The following OR52E4 variants were observed in gnomAD, a reference collection of about 807,000 sequenced individuals.
OR52E4 encodes olfactory receptor 52E4.
For missense variants in OR52E4, 444 were observed against 383.8 expected (o/e 1.16, Z -1.31); for synonymous variants, 169 against 137.4 (o/e 1.23, Z -1.61).
chr11:5,886,366 T>C lies in OR52E4; in HGVS notation c.*1135T>C, dbSNP rs905137086. On this transcript the variant is annotated 3_prime_UTR_variant, in exon 2 of 2. Coordinates refer to ENST00000641726, the MANE Select transcript of OR52E4 (RefSeq NM_001005165.2). The stretch of plus-strand genomic sequence containing the variant: ...GTGGGTATTACGGAGACATGTTTTC[T>C]CACTTGAAGCAAAGTCATTTTAGAT... The C allele has an allele frequency of 1.3e-5, 2 of 152,040 alleles. No homozygotes were observed. The highest frequency in any genetic ancestry group is 4.8e-5 in the African/African-American group (2 of 41,440). 9.4% of individuals were successfully genotyped at this position (152,040 alleles called of 1,614,324 possible).
At chr11:5,883,796 C>G (rs2134275947) in intron 1 of OR52E4, among the ~76,000 whole-genome samples, 1 of 151,916 alleles carries the variant, frequency 6.6e-6, no homozygotes, top group Admixed American at 6.6e-5. Context: ...TCACTATGTA[C>G]TTATGAGAGA....
At chr11:5,883,154 A>G (rs1483756661) in intron 1 of OR52E4, among the ~76,000 whole-genome samples, 2 of 152,090 alleles carry the variant, frequency 1.3e-5, no homozygotes, top group Non-Finnish European at 2.9e-5. Context: ...CTGATGTTAT[A>G]GATTGTAAGG....
rs1315307621 is a variant in OR52E4, at chr11:5,885,014, C to T, written c.722C>T (p.Thr241Ile). 6.2e-7 allele frequency: 1 copy of T among 1,613,380 alleles called. No homozygotes were observed. Among genetic ancestry groups the T allele is most frequent in the African/African-American group, 1.3e-5 (1 of 74,944 alleles). The change falls in exon 2 of 2, where the codon ACC becomes ATC. Residue 241 changes from threonine to isoleucine, a missense_variant. Physicochemically the swap from Thr to Ile is moderately conservative, Grantham distance 89. Transcript: ENST00000641726. The part of the protein sequence containing the change: ...SQDVRLKAFN[T>I]CGSHVCVMLC... ...GATGTCCGACTAAAGGCCTTCAATACCTGTGGTTCTCATGTCTGTGTTATG... is the reference window on the plus strand; with the variant it reads ...GATGTCCGACTAAAGGCCTTCAATATCTGTGGTTCTCATGTCTGTGTTATG...
At chr11:5,880,886 G>A (rs1364968500) in intron 1 of OR52E4, among the ~76,000 whole-genome samples, 172 bp downstream of exon 1, 1 of 39,880 alleles carries the variant, frequency 2.5e-5, no homozygotes, top group Non-Finnish European at 5.1e-5. Context: ...TGAGGGCAGT[G>A]GTGTACCAAT....
chr11:5,881,919 A>T (rs565309164), intron 1 of OR52E4, among the ~76,000 whole-genome samples: 22 of 152,092 alleles, frequency 1.4e-4, no homozygotes, highest in Non-Finnish European at 2.8e-4. Context: ...GAAAAGTTTT[A>T]AGGTCCACAG....
At position 5,886,758 on chromosome 11, in the gene OR52E4, T is replaced by G. The variant is rs1283285627; in HGVS notation, c.*1527T>G. 6.6e-6 allele frequency: 1 copy of G among 151,982 alleles called. No homozygotes were observed. Among genetic ancestry groups the G allele is most frequent in the Admixed American group, 6.6e-5 (1 of 15,212 alleles). The allele number at this position is 151,982 out of a possible 1,614,324, so 9.4% of individuals were successfully genotyped here. A position where few individuals can be genotyped will look rare whatever the true frequency, so the allele number is the denominator to read the frequency against. Reference sequence around the variant, plus strand: ...TCTATAATTTAGAACCACTGTGTAGTTTGTATGACAATATACAAAATACTC... The same window carrying G: ...TCTATAATTTAGAACCACTGTGTAGGTTGTATGACAATATACAAAATACTC... On this transcript the variant is annotated 3_prime_UTR_variant, in exon 2 of 2. Transcript: ENST00000641726.
chr11:5,882,698 G>A, intron 1 of OR52E4, among the ~76,000 whole-genome samples: 1 of 109,146 alleles, frequency 9.2e-6, no homozygotes, highest in Middle Eastern at 3.8e-3. Flanking sequence ...AACCTTCTCC[G>A]TCTCTCTCTC....
In OR52E4 at chr11:5,884,522, C is replaced by T. The variant is rs377696088; in HGVS notation, c.230C>T (p.Thr77Ile). The T allele has an allele frequency of 9.3e-6, 15 of 1,613,530 alleles. 1 individual carries two copies. Among genetic ancestry groups the T allele is most frequent in the South Asian group, 2.2e-5 (2 of 91,078 alleles). Residue 77 changes from threonine (T) to isoleucine (I), a missense_variant, in exon 2 of 2, where the codon ACA (threonine) becomes ATA (isoleucine). By Grantham distance (89) the Thr-to-Ile change is moderately conservative. Transcript: ENST00000641726. The stretch of plus-strand genomic sequence containing the variant: ...TCTATGATTGATCTGGGTCTGTCCA[C>T]ATCCACTATCCCCAAAATGCTAGGA... The part of the protein sequence containing the change: ...MLSMIDLGLS[T>I]STIPKMLGIF...
intron 1 of OR52E4, among the ~76,000 whole-genome samples, chr11:5,884,014 A>T (rs1345521921): frequency 6.6e-6 from 1 of 152,038 alleles, no homozygotes; most frequent in Non-Finnish European, 1.5e-5. Flanking sequence ...GCATTATGAA[A>T]TTTTTCCCAT....
rs1847044882 is a variant in OR52E4 at position 5,886,404 on chromosome 11, A to T, written c.*1173A>T. The stretch of plus-strand genomic sequence containing the variant: ...AGTCATTTTAGATGTGACTACTTGT[A>T]TGTGTCGCCTGTCTAATTCTAATTC... On this transcript the variant is annotated 3_prime_UTR_variant, in exon 2 of 2. Coordinates refer to ENST00000641726, the MANE Select transcript of OR52E4 (RefSeq NM_001005165.2). 1 of 152,008 alleles carries T rather than the reference A, an allele frequency of 6.6e-6. No homozygotes were observed. Among genetic ancestry groups the T allele is most frequent in the Non-Finnish European group, 1.5e-5 (1 of 67,998 alleles). 9.4% of individuals were successfully genotyped at this position (152,008 alleles called of 1,614,324 possible).
At position 5,884,992 on chromosome 11, in the gene OR52E4, G is replaced by C. The variant is rs749794207; in HGVS notation, c.700G>C (p.Val234Leu). ...RAVFRLPSQD[V>L]RLKAFNTCGS... ...TGTTTTTCGCCTTCCCTCTCAAGAT[G>C]TCCGACTAAAGGCCTTCAATACCTG... The change falls in exon 2 of 2, where the codon GTC becomes CTC. Residue 234 changes from valine to leucine, a missense_variant. Coordinates refer to ENST00000641726, the MANE Select transcript of OR52E4 (RefSeq NM_001005165.2). 1 of 1,613,068 alleles carries C rather than the reference G, an allele frequency of 6.2e-7. No individual in the cohort carries two copies. The highest frequency in any genetic ancestry group is 8.5e-7 in the Non-Finnish European group (1 of 1,179,330).
intron 1 of OR52E4, among the ~76,000 whole-genome samples, chr11:5,881,421 T>C (rs555482868): frequency 6.6e-6 from 1 of 152,236 alleles, no homozygotes; most frequent in South Asian, 2.1e-4. Flanking sequence ...CTCACCAAGA[T>C]TGGGAAAGCT....
chr11:5,885,497 C>A lies in OR52E4; in HGVS notation c.*266C>A. 3.0e-6 allele frequency: 1 copy of A among 338,780 alleles called. No individual in the cohort carries two copies. Among genetic ancestry groups the A allele is most frequent in the Non-Finnish European group, 5.4e-6 (1 of 186,898 alleles). 21.0% of individuals were successfully genotyped at this position (338,780 alleles called of 1,614,324 possible). ...TTGAGGTGGCTTTGGAGTAGAACTG[C>A]TTGTAAACAAGGGTGATAGGTAGCT... On this transcript the variant is annotated 3_prime_UTR_variant, in exon 2 of 2. Coordinates refer to ENST00000641726, the MANE Select transcript of OR52E4 (RefSeq NM_001005165.2).
intron 1 of OR52E4, among the ~76,000 whole-genome samples, chr11:5,883,734 A>G (rs1333288065): frequency 6.6e-6 from 1 of 152,052 alleles, no homozygotes; most frequent in East Asian, 1.9e-4. Flanking sequence ...AACATCATTT[A>G]CAATTTCATT....
Position 5,887,042 on chromosome 11 carries a change from T to C in OR52E4, c.*1811T>C, listed in dbSNP as rs1156902708. 5 of 152,120 alleles carry C rather than the reference T, an allele frequency of 3.3e-5. No homozygotes were observed. Among genetic ancestry groups the C allele is most frequent in the East Asian group, 1.9e-4 (1 of 5,176 alleles). The allele number at this position is 152,120 out of a possible 1,614,324, so 9.4% of individuals were successfully genotyped here. ...ATAGGGTTTTAAATGTGGAAATACATTGAAACTTGATCTATTCCCTTTGTC... is the reference window on the plus strand; with the variant it reads ...ATAGGGTTTTAAATGTGGAAATACACTGAAACTTGATCTATTCCCTTTGTC... On this transcript the variant is annotated 3_prime_UTR_variant, in exon 2 of 2. Transcript: ENST00000641726.
intron 1 of OR52E4, among the ~76,000 whole-genome samples, chr11:5,882,086 T>C (rs549332145): frequency 6.6e-6 from 1 of 152,198 alleles, no homozygotes; most frequent in Non-Finnish European, 1.5e-5. Context: ...CCAGTAGGGA[T>C]CTTTGTCAAT....
rs1847033766 is a variant in OR52E4 at position 5,885,727 on chromosome 11, A to C, written c.*496A>C. On this transcript the variant is annotated 3_prime_UTR_variant, in exon 2 of 2. Coordinates refer to ENST00000641726, the MANE Select transcript of OR52E4 (RefSeq NM_001005165.2). Reference sequence around the variant, plus strand: ...CCCATGTTTATTTTAATGCTCTCTCAGTCTTGCTGTTACTGCCATTTTTGC... The same window carrying C: ...CCCATGTTTATTTTAATGCTCTCTCCGTCTTGCTGTTACTGCCATTTTTGC... The C allele has an allele frequency of 6.6e-6, 1 of 152,650 alleles. No individual in the cohort carries two copies. Among genetic ancestry groups the C allele is most frequent in the Non-Finnish European group, 1.5e-5 (1 of 68,486 alleles). 9.5% of individuals were successfully genotyped at this position (152,650 alleles called of 1,614,324 possible).
Position 5,884,860 on chromosome 11 carries a change from G to C in OR52E4, c.568G>C (p.Ala190Pro). 1 of 1,613,316 alleles carries C rather than the reference G, an allele frequency of 6.2e-7. No individual in the cohort carries two copies. Among genetic ancestry groups the C allele is most frequent in the Non-Finnish European group, 8.5e-7 (1 of 1,179,534 alleles). ...TGAGCACAGGGGTCTGGCCGGGTTG[G>C]CCTGTGCACCCATTAAGATCAACAT... ...YCEHRGLAGL[A>P]CAPIKINIIY... Residue 190 changes from alanine to proline, a missense_variant, in exon 2 of 2, where the codon GCC becomes CCC. Transcript: ENST00000641726.
rs1457415681 is a variant in OR52E4, at chr11:5,885,217, G to A, written c.925G>A (p.Val309Ile). ...CCGAGAGCAAATTGTGAAAATATTTGTACAGAAAGAATAATTCTGTATTAA... is the reference window on the plus strand; with the variant it reads ...CCGAGAGCAAATTGTGAAAATATTTATACAGAAAGAATAATTCTGTATTAA... ...QIREQIVKIF[V>I]QKE The change falls in exon 2 of 2, where the codon GTA becomes ATA. Residue 309 changes from valine (V) to isoleucine (I), a missense_variant. By Grantham distance (29) the Val-to-Ile change is conservative (BLOSUM62 3). Coordinates refer to ENST00000641726, the MANE Select transcript of OR52E4 (RefSeq NM_001005165.2). The A allele has an allele frequency of 1.3e-6, 2 of 1,589,364 alleles. No individual in the cohort carries two copies. The highest frequency in any genetic ancestry group is 1.7e-6 in the Non-Finnish European group (2 of 1,167,212).
Sources: allele counts gnomAD v4.1 joint callset (sites outside exome capture counted in the v4.1 genomes callset), GRCh38; gene constraint gnomAD v4.1.1; transcripts MANE v1.5; gene names NCBI Gene and HGNC (gene_info 2026-07-23, HGNC 2026-07-21).